Variants in CAST observed in about 807,000 individuals in gnomAD.
CAST encodes the protein calpastatin.
A neutral mutation model predicts 119.6 loss-of-function variants in CAST; 76 were observed. The ratio of observed to expected loss-of-function variants is 0.64; its 90% CI spans 0.53 to 0.77. The LOEUF is 0.77. Among genes scored for constraint, CAST ranks in the 30% least tolerant of loss-of-function variants. The probability of loss-of-function intolerance (pLI) is 0.00; values close to 1 mark genes in which losing one functional copy is unlikely to be tolerated. For missense variants in CAST, 953 were observed against 946.5 expected (o/e 1.01, Z -0.09); for synonymous variants, 319 against 331.6 (o/e 0.96, Z 0.41).
At chr5:96,540,314 G>A (rs1304537367) in intron 1 of CAST, among the ~76,000 whole-genome samples, 2 of 151,912 alleles carry the variant, frequency 1.3e-5, no homozygotes, top group African/African-American at 4.8e-5. Flanking sequence ...CTGCCTAAAG[G>A]ACTCTTTAAA....
intron 1 of CAST, among the ~76,000 whole-genome samples, chr5:96,560,999 A>G (rs531969285): frequency 1.3e-5 from 2 of 152,376 alleles, no homozygotes; most frequent in East Asian, 3.8e-4. Context: ...TGGCACATAT[A>G]CACCATGGAA....
chr5:96,575,740 T>C (rs1374078524), intron 1 of CAST, among the ~76,000 whole-genome samples: 2 of 151,992 alleles, frequency 1.3e-5, no homozygotes, highest in Non-Finnish European at 2.9e-5. Context: ...TCTTCTGGGC[T>C]CAAGCAATCC....
At chr5:96,035,116 TATA>T in the CAST span, among the ~76,000 whole-genome samples, 17 of 144,018 alleles carry the variant, frequency 1.2e-4, no homozygotes, top group East Asian at 3.9e-4. Context: ...TCAAGATATA[TATA>T]ATATTTTATA....
intron 24 of CAST, among the ~76,000 whole-genome samples, chr5:96,759,066 C>A (rs139689377): frequency 6.6e-6 from 1 of 152,122 alleles, no homozygotes; most frequent in East Asian, 1.9e-4. Context: ...AGATATGTAG[C>A]AGTGAAATGG....
the CAST span, among the ~76,000 whole-genome samples, chr5:96,004,508 C>T: frequency 5.3e-5 from 8 of 152,130 alleles, no homozygotes; most frequent in African/African-American, 1.9e-4. Context: ...TCTACTTAAC[C>T]AGTCCTATGC....
At chr5:96,489,382 T>C in the CAST span, among the ~76,000 whole-genome samples, 1 of 152,020 alleles carries the variant, frequency 6.6e-6, no homozygotes, top group South Asian at 2.1e-4. Context: ...GATTGAGTAA[T>C]GCACAACCAC....
chr5:96,522,604 AG>A (rs562040857), upstream of CAST, among the ~76,000 whole-genome samples: 526 of 152,248 alleles, frequency 3.5e-3, 8 homozygotes, highest in African/African-American at 0.012. Flanking sequence ...CAGGGTGAAA[AG>A]GGGTCATGTT....
chr5:96,244,085 C>G, the CAST span, among the ~76,000 whole-genome samples: 1 of 152,162 alleles, frequency 6.6e-6, no homozygotes, highest in South Asian at 2.1e-4. Context: ...ACCACACTGC[C>G]CTAAGGCACT....
At chr5:96,491,477 C>T in the CAST span, among the ~76,000 whole-genome samples, 2 of 82,404 alleles carry the variant, frequency 2.4e-5, no homozygotes, top group African/African-American at 4.4e-5. Flanking sequence ...GGGGACAGAG[C>T]GAGACTCCAT....
chr5:96,211,304 T>G, the CAST span, among the ~76,000 whole-genome samples: 1 of 151,986 alleles, frequency 6.6e-6, no homozygotes, highest in African/African-American at 2.4e-5. Context: ...TTTAACCAGT[T>G]GAGGAAATTC....
chr5:96,742,461 C>A, intron 15 of CAST, 194 bp from the exon 16 acceptor site: 1 of 562,844 alleles, frequency 1.8e-6, no homozygotes, highest in Non-Finnish European at 3.2e-6. Context: ...GTGTCTTAGC[C>A]CCAATTTCCA....
chr5:96,208,934 T>C, the CAST span, among the ~76,000 whole-genome samples: 2 of 151,902 alleles, frequency 1.3e-5, no homozygotes, highest in Admixed American at 1.3e-4. Context: ...TGACATCTCC[T>C]ATTATTATTG....
chr5:96,163,470 CTTTG>C, the CAST span, among the ~76,000 whole-genome samples: 34 of 152,170 alleles, frequency 2.2e-4, no homozygotes, highest in Middle Eastern at 3.4e-3. Flanking sequence ...TAATAAATAT[CTTTG>C]TTTGTATATT....
the CAST span, among the ~76,000 whole-genome samples, chr5:96,156,283 A>T: frequency 5.3e-5 from 8 of 152,180 alleles, no homozygotes; most frequent in Non-Finnish European, 1.2e-4. Context: ...TTATGGGCTT[A>T]GGGGTAATTC....
chr5:96,177,905 A>G, the CAST span, among the ~76,000 whole-genome samples: 1 of 152,190 alleles, frequency 6.6e-6, no homozygotes, highest in African/African-American at 2.4e-5. Context: ...TCTTCCTGTA[A>G]TTTTGAACAA....
At chr5:96,506,229 G>T in the CAST span, among the ~76,000 whole-genome samples, 1 of 152,194 alleles carries the variant, frequency 6.6e-6, no homozygotes, top group African/African-American at 2.4e-5. Context: ...AATGTTCATG[G>T]AATGATTGAA....
At chr5:96,286,392 A>G in the CAST span, among the ~76,000 whole-genome samples, 2 of 152,182 alleles carry the variant, frequency 1.3e-5, no homozygotes, top group African/African-American at 4.8e-5. Flanking sequence ...GGAAGCTGCA[A>G]ACAATTATTT....
chr5:96,224,640 T>C, the CAST span, among the ~76,000 whole-genome samples: 1 of 152,174 alleles, frequency 6.6e-6, no homozygotes, highest in Non-Finnish European at 1.5e-5. Flanking sequence ...GTCAACATTG[T>C]GCTTTTAGTC....
chr5:96,332,610 A>G, the CAST span, among the ~76,000 whole-genome samples: 2 of 152,124 alleles, frequency 1.3e-5, 1 homozygote, highest in Non-Finnish European at 2.9e-5. Context: ...TGTGAGTCCA[A>G]ACTTGAGGAC....
Sources: gnomAD v4.1 joint callset for allele counts (sites outside exome capture counted in the v4.1 genomes callset) on GRCh38, gnomAD v4.1.1 for gene constraint, MANE v1.5 for transcripts, NCBI Gene and HGNC (gene_info 2026-07-23, HGNC 2026-07-21) for gene names.